Variants in UACA observed in about 807,000 individuals in gnomAD.
UACA encodes uveal autoantigen with coiled-coil domains and ankyrin repeats.
UACA carries 112 observed loss-of-function variants against 160.5 expected under a neutral mutation model. The ratio of observed to expected loss-of-function variants is 0.70; its 90% CI spans 0.60 to 0.82. The LOEUF (loss-of-function observed/expected upper bound fraction) is 0.82, where lower values mean the gene tolerates loss of function less well. UACA is among the 40% of genes least tolerant of loss of function. UACA has a pLI of 0.00. For missense variants in UACA, 1,574 were observed against 1,614.6 expected, an observed-to-expected ratio of 0.97 and a Z score of 0.43; for synonymous variants, 557 against 568.4, an observed-to-expected ratio of 0.98 and a Z score of 0.29.
Position 70,669,687 on chromosome 15 carries a change from C to T in UACA, c.1222-225G>A, listed in dbSNP as rs139297153. 3.2e-3 allele frequency among the ~76,000 whole-genome samples: 493 copies of T among 152,234 alleles called. 2 individuals carry two copies. The highest frequency in any genetic ancestry group is 0.01 in the African/African-American group (424 of 41,538). Reference sequence around the variant, plus strand: ...CACAACATTTTGAGAGTTCTGTTCACGTAAGTCTATTTCTGGCAGAACAAC... The same window carrying T: ...CACAACATTTTGAGAGTTCTGTTCATGTAAGTCTATTTCTGGCAGAACAAC... On this transcript the variant is annotated intron_variant, in intron 15 of 18. Coordinates refer to ENST00000322954, the MANE Select transcript of UACA (RefSeq NM_018003.4).
chr15:70,709,090 A>G (rs937825585), intron 1 of UACA, among the ~76,000 whole-genome samples: 2 of 152,236 alleles, frequency 1.3e-5, no homozygotes, highest in African/African-American at 2.4e-5. Flanking sequence ...CTGCTTCAAA[A>G]GAAAGTATTA....
At chr15:70,747,862 AAATAG>A (rs1339029999) in intron 1 of UACA, among the ~76,000 whole-genome samples, 15 of 152,200 alleles carry the variant, frequency 9.9e-5, no homozygotes, top group Admixed American at 4.6e-4. Context: ...GAAAAAAATA[AAATAG>A]AATAATTTAT....
chr15:70,776,789 T>C, the UACA span, among the ~76,000 whole-genome samples: 2 of 144,852 alleles, frequency 1.4e-5, no homozygotes, highest in Non-Finnish European at 3.0e-5. Context: ...CTGCCGCTTC[T>C]GAGTCCCCTA....
intron 1 of UACA, among the ~76,000 whole-genome samples, chr15:70,760,366 C>T (rs950267075): frequency 2.0e-5 from 3 of 152,084 alleles, no homozygotes; most frequent in African/African-American, 7.2e-5. Context: ...AAAATAACCA[C>T]CTTCTCTGCA....
chr15:70,723,076 A>G (rs1899039094), intron 1 of UACA, among the ~76,000 whole-genome samples: 1 of 152,236 alleles, frequency 6.6e-6, no homozygotes. Flanking sequence ...TGATCAAGTT[A>G]CTTAGTCCCC....
chr15:70,776,896 G>A, the UACA span, among the ~76,000 whole-genome samples: 8 of 152,152 alleles, frequency 5.3e-5, no homozygotes, highest in Non-Finnish European at 1.2e-4. Flanking sequence ...AGACTGATTG[G>A]AACAGGGTGA....
intron 1 of UACA, among the ~76,000 whole-genome samples, chr15:70,762,462 T>C (rs2030824574): frequency 6.6e-6 from 1 of 152,240 alleles, no homozygotes; most frequent in African/African-American, 2.4e-5. Flanking sequence ...ATTTTGATGA[T>C]ATCGCCATTC....
In UACA at chr15:70,678,222, C is replaced by G. The variant is rs370948476; in HGVS notation, c.892-16G>C. ...TCTCCAAATCCTTAAATAATAAAGA[C>G]AACAAGGTGCCAGGCCAATCTTAAA... On this transcript the variant is annotated splice_polypyrimidine_tract_variant and intron_variant, in intron 10 of 18. Transcript: ENST00000322954. 1 of 1,579,828 alleles carries G rather than the reference C, an allele frequency of 6.3e-7. No homozygotes were observed. The highest frequency in any genetic ancestry group is 8.6e-7 in the Non-Finnish European group (1 of 1,161,910).
rs1274550235 is a variant in UACA at position 70,666,847 on chromosome 15, A to G, written c.3837T>C (p.His1279=). Residue 1279 remains histidine, a synonymous_variant, in exon 16 of 19, where the codon CAT becomes CAC. Transcript: ENST00000322954. ...CCTTAATTTCTTGCTCAATGCTGAAATGCAGTAATTCCTTCTCATCTTTTG... is the reference window on the plus strand; with the variant it reads ...CCTTAATTTCTTGCTCAATGCTGAAGTGCAGTAATTCCTTCTCATCTTTTG... ...ISAKDEKELL[H]FSIEQEIKDQ... is the part of the protein sequence containing the mutation. 6.2e-7 allele frequency: 1 copy of G among 1,613,862 alleles called. No homozygotes were observed. Among genetic ancestry groups the G allele is most frequent in the East Asian group, 2.2e-5 (1 of 44,874 alleles).
intron 1 of UACA, among the ~76,000 whole-genome samples, chr15:70,713,664 G>A (rs1457422638): frequency 1.3e-5 from 2 of 152,112 alleles, no homozygotes; most frequent in African/African-American, 2.4e-5. Flanking sequence ...GTTTCATGAA[G>A]TTCTTTTGGT....
In UACA at chr15:70,690,090, T is replaced by C. The variant is rs1031080172; in HGVS notation, c.424+364A>G. 2.0e-5 allele frequency among the ~76,000 whole-genome samples: 3 copies of C among 152,188 alleles called. No homozygotes were observed. In the South Asian group the frequency reaches 6.2e-4, roughly 32 times the overall value. Reference sequence around the variant, plus strand: ...TAAACATAGTTTAAGGAAAGTCTTCTTCCCATTTCTCCAATTCCCAAAGAC... The same window carrying C: ...TAAACATAGTTTAAGGAAAGTCTTCCTCCCATTTCTCCAATTCCCAAAGAC... On this transcript the variant is annotated intron_variant, in intron 5 of 18. Coordinates refer to ENST00000322954, the MANE Select transcript of UACA (RefSeq NM_018003.4).
Position 70,672,924 on chromosome 15 carries a change from G to A in UACA, c.1132-923C>T, listed in dbSNP as rs1034552810. Among the ~76,000 whole-genome samples the A allele has an allele frequency of 2.0e-5, 3 of 151,998 alleles. No individual in the cohort carries two copies. The East Asian group carries it at 5.8e-4, about 29-fold the overall frequency. ...AGCTTGGCCAACATAGTGAAACCCC[G>A]TCTCTACTAAAAATACAAAAAATTA... On this transcript the variant is annotated intron_variant, in intron 13 of 18. Coordinates refer to ENST00000322954, the MANE Select transcript of UACA (RefSeq NM_018003.4).
At chr15:70,679,437 A>AATAG (rs1555410218) in intron 10 of UACA, among the ~76,000 whole-genome samples, 171 bp downstream of exon 10, 5 of 148,248 alleles carry the variant, frequency 3.4e-5, no homozygotes, top group African/African-American at 9.8e-5. Flanking sequence ...TAAATAAATA[A>AATAG]ATAGAAGAGA....
At chr15:70,737,618 G>A (rs1239894712) in intron 1 of UACA, among the ~76,000 whole-genome samples, 1 of 152,176 alleles carries the variant, frequency 6.6e-6, no homozygotes, top group Non-Finnish European at 1.5e-5. Flanking sequence ...TGAGGCAGGA[G>A]AATCGCTTGA....
chr15:70,755,337 T>A (rs1355993309), intron 1 of UACA, among the ~76,000 whole-genome samples: 1 of 151,854 alleles, frequency 6.6e-6, no homozygotes, highest in Non-Finnish European at 1.5e-5. Context: ...TGATCTAAAC[T>A]TGTCAAGTAA....
Position 70,761,509 on chromosome 15 carries a change from T to C in UACA, c.78+1821A>G, listed in dbSNP as rs1236711607. Among the ~76,000 whole-genome samples the C allele has an allele frequency of 2.0e-5, 3 of 152,254 alleles. No individual in the cohort carries two copies. In the East Asian group the frequency reaches 5.8e-4, roughly 29 times the overall value. On this transcript the variant is annotated intron_variant, in intron 1 of 18. Coordinates refer to ENST00000322954, the MANE Select transcript of UACA (RefSeq NM_018003.4). ...AAGCAGAAAGGGTCTATTTCTCCTG[T>C]ACATGTGTTTTATTCTATCAATGCT...
Position 70,667,592 on chromosome 15 carries a change from T to C in UACA, c.3092A>G (p.Asp1031Gly), listed in dbSNP as rs1475577182. The change falls in exon 16 of 19, where the codon GAC becomes GGC. Residue 1031 changes from aspartate to glycine, a missense_variant. Physicochemically the swap from Asp to Gly is moderately conservative, Grantham distance 94. Coordinates refer to ENST00000322954, the MANE Select transcript of UACA (RefSeq NM_018003.4). Reference protein sequence around the residue: ...EEVKKNKQENDKLKKEIFTLQ... With the variant: ...EEVKKNKQENGKLKKEIFTLQ... ...GGTAAAAATCTCCTTCTTTAACTTG[T>C]CATTCTCTTGCTTGTTTTTCTTGAC... 3 of 1,613,134 alleles carry C rather than the reference T, an allele frequency of 1.9e-6. No individual in the cohort carries two copies. The East Asian group carries it at 6.7e-5, about 36-fold the overall frequency.
chr15:70,694,499 G>T (rs74970285), intron 3 of UACA, among the ~76,000 whole-genome samples: 2 of 152,248 alleles, frequency 1.3e-5, no homozygotes, highest in East Asian at 3.9e-4. Flanking sequence ...CTACTGAAGG[G>T]CCTTGGGCCA....
Position 70,678,143 on chromosome 15 carries a change from T to C in UACA, c.955A>G (p.Ile319Val). Residue 319 changes from isoleucine (I) to valine (V), a missense_variant, in exon 11 of 19, where the codon ATA becomes GTA. Ile to Val is a conservative substitution (Grantham distance 29). Transcript: ENST00000322954. ...AAACCATTGACTTTATCCAAAAGTA[T>C]TCTTTGTTCTTGCTGAATTTTTCTC... ...RLRKIQQEQR[I>V]LLDKVNGLQL... 1 of 1,610,546 alleles carries C rather than the reference T, an allele frequency of 6.2e-7. No individual in the cohort carries two copies. Among genetic ancestry groups the C allele is most frequent in the Non-Finnish European group, 8.5e-7 (1 of 1,179,208 alleles).
Sources: gnomAD v4.1 joint callset for allele counts (sites outside exome capture counted in the v4.1 genomes callset) on GRCh38, gnomAD v4.1.1 for gene constraint, MANE v1.5 for transcripts, NCBI Gene and HGNC (gene_info 2026-07-23, HGNC 2026-07-21) for gene names.